The following DKK2 variants were observed in gnomAD, a reference collection of about 807,000 sequenced individuals.
DKK2 encodes dickkopf Wnt signaling pathway inhibitor 2.
DKK2 carries 11 observed loss-of-function variants against 28.1 expected under a neutral mutation model. That is an observed-to-expected ratio of 0.39 (90% CI 0.25 to 0.65). The LOEUF is 0.65. Ranked by LOEUF, DKK2 falls within the 30% of genes least tolerant of loss-of-function variation. The pLI is 0.47. For missense variants in DKK2, 326 were observed against 335.5 expected, an observed-to-expected ratio of 0.97 and a Z score of 0.22; for synonymous variants, 135 against 126.5, an observed-to-expected ratio of 1.07 and a Z score of -0.45.
intron 1 of DKK2, among the ~76,000 whole-genome samples, chr4:106,930,473 C>A (rs1724485841): frequency 6.6e-6 from 1 of 152,122 alleles, no homozygotes; most frequent in African/African-American, 2.4e-5. Context: ...ATCTCAGTAG[C>A]AAAATCATTG....
At chr4:106,955,193 T>C (rs1278325661) in intron 1 of DKK2, among the ~76,000 whole-genome samples, 2 of 152,182 alleles carry the variant, frequency 1.3e-5, no homozygotes, top group Admixed American at 6.6e-5. Flanking sequence ...TTTCTTTTAA[T>C]GTTATAATGT....
At chr4:106,963,457 A>G (rs532890864) in intron 1 of DKK2, among the ~76,000 whole-genome samples, 1 of 152,288 alleles carries the variant, frequency 6.6e-6, no homozygotes, top group Admixed American at 6.5e-5. Flanking sequence ...ATCATCAGAG[A>G]AATGCAAATC....
intron 1 of DKK2, among the ~76,000 whole-genome samples, chr4:106,930,560 G>A (rs574611472): frequency 1.3e-5 from 2 of 152,278 alleles, no homozygotes; most frequent in South Asian, 4.1e-4. Flanking sequence ...CTTATTTAAT[G>A]ATGAGAGGAA....
chr4:106,960,583 A>G (rs183749818), intron 1 of DKK2, among the ~76,000 whole-genome samples: 232 of 152,300 alleles, frequency 1.5e-3, no homozygotes, highest in Non-Finnish European at 2.7e-3. Flanking sequence ...TTAAAAGTTA[A>G]AACAAAAAAA....
At chr4:106,976,125 T>G (rs1722941548) in intron 1 of DKK2, among the ~76,000 whole-genome samples, 1 of 152,214 alleles carries the variant, frequency 6.6e-6, no homozygotes. Flanking sequence ...TGATTTCCAT[T>G]CTTTTCCATT....
At chr4:107,017,910 C>A (rs1408007339) in intron 1 of DKK2, among the ~76,000 whole-genome samples, 1 of 151,998 alleles carries the variant, frequency 6.6e-6, no homozygotes, top group Non-Finnish European at 1.5e-5. Context: ...TTGAAAAAAA[C>A]ACCCATTTCA....
chr4:106,939,917 T>C (rs1578349957), intron 1 of DKK2, among the ~76,000 whole-genome samples: 1 of 152,202 alleles, frequency 6.6e-6, no homozygotes, highest in African/African-American at 2.4e-5. Flanking sequence ...TGTAGAAAGC[T>C]GAAACTGGAT....
chr4:106,999,235 T>C (rs1045464357), intron 1 of DKK2, among the ~76,000 whole-genome samples: 2 of 152,224 alleles, frequency 1.3e-5, no homozygotes, highest in East Asian at 3.8e-4. Flanking sequence ...GCCTGGGTAA[T>C]AGTAGGTTGC....
chr4:107,001,359 C>T (rs1478148006), intron 1 of DKK2, among the ~76,000 whole-genome samples: 1 of 152,088 alleles, frequency 6.6e-6, no homozygotes, highest in Non-Finnish European at 1.5e-5. Flanking sequence ...TTTAAGCCAC[C>T]TAATTTGTGT....
In DKK2 at chr4:106,924,632, T is replaced by G. The variant is rs1482146517; in HGVS notation, c.442A>C (p.Arg148=). Residue 148 remains arginine (R), a synonymous_variant, in exon 3 of 4, where the codon AGA becomes CGA. Coordinates refer to ENST00000285311, the MANE Select transcript of DKK2 (RefSeq NM_014421.3). ...HIPALDGTRH[R]DRNHGHYSNH... is the part of the protein sequence containing the mutation. ...GAGTAATGACCGTGGTTTCGATCTCTGTGCCGAGTACCATCCAGAGCCGGG... is the reference window on the plus strand; with the variant it reads ...GAGTAATGACCGTGGTTTCGATCTCGGTGCCGAGTACCATCCAGAGCCGGG... 3.1e-6 allele frequency: 5 copies of G among 1,613,868 alleles called. No individual in the cohort carries two copies. The highest frequency in any genetic ancestry group is 4.2e-6 in the Non-Finnish European group (5 of 1,179,902).
Position 106,924,555 on chromosome 4 carries a change from T to C in DKK2, c.519A>G (p.Ser173=). The C allele has an allele frequency of 6.2e-7, 1 of 1,613,568 alleles. No homozygotes were observed. Among genetic ancestry groups the C allele is most frequent in the Non-Finnish European group, 8.5e-7 (1 of 1,179,646 alleles). Residue 173 remains serine, a synonymous_variant, in exon 3 of 4, where the codon TCA becomes TCG. Transcript: ENST00000285311. ...QNLGRPHTKM[S]HIKGHEGDPC... ...TACAGATATCCCTACCTTTTATATG[T>C]GACATCTTAGTGTGTGGTCTTCCTA...
chr4:106,982,810 G>A (rs1174696709), intron 1 of DKK2, among the ~76,000 whole-genome samples: 2 of 151,532 alleles, frequency 1.3e-5, no homozygotes, highest in African/African-American at 4.8e-5. Context: ...AGGCTAAGGT[G>A]GGAGGATTGT....
intron 1 of DKK2, among the ~76,000 whole-genome samples, chr4:107,009,409 T>C (rs1723484289): frequency 6.6e-6 from 1 of 151,858 alleles, no homozygotes; most frequent in South Asian, 2.1e-4. Flanking sequence ...CACAGCCGAG[T>C]GAGCTTGGAA....
chr4:106,937,282 C>A (rs1304163972), intron 1 of DKK2, among the ~76,000 whole-genome samples: 1 of 135,790 alleles, frequency 7.4e-6, no homozygotes, highest in African/African-American at 2.8e-5. Flanking sequence ...ATCTACCAAG[C>A]AAATGGAAAA....
At chr4:106,939,315 A>G (rs923442485) in intron 1 of DKK2, among the ~76,000 whole-genome samples, 20 of 151,942 alleles carry the variant, frequency 1.3e-4, no homozygotes, top group African/African-American at 3.9e-4. Flanking sequence ...TTATACACCA[A>G]TAACAGACAG....
chr4:106,937,514 A>G (rs1160111044), intron 1 of DKK2, among the ~76,000 whole-genome samples: 2 of 146,582 alleles, frequency 1.4e-5, no homozygotes, highest in Non-Finnish European at 3.0e-5. Context: ...ACACATTAAT[A>G]ATGGGAGACT....
At chr4:106,931,070 T>C (rs1724495806) in intron 1 of DKK2, among the ~76,000 whole-genome samples, 1 of 152,146 alleles carries the variant, frequency 6.6e-6, no homozygotes, top group Non-Finnish European at 1.5e-5. Flanking sequence ...CAGGGACTTA[T>C]ATGTCAATCT....
At chr4:106,965,255 T>C (rs1449634675) in intron 1 of DKK2, among the ~76,000 whole-genome samples, 15 of 152,174 alleles carry the variant, frequency 9.9e-5, no homozygotes, top group African/African-American at 3.6e-4. Flanking sequence ...CTTTGCCCTA[T>C]TTTGTTAATA....
At chr4:106,957,400 G>T (rs1406760690) in intron 1 of DKK2, among the ~76,000 whole-genome samples, 18 of 151,952 alleles carry the variant, frequency 1.2e-4, no homozygotes, top group Admixed American at 2.6e-4. Flanking sequence ...ATCCCATTAA[G>T]GGGTATATAC....
Sources: allele counts gnomAD v4.1 joint callset (sites outside exome capture counted in the v4.1 genomes callset), GRCh38; gene constraint gnomAD v4.1.1; transcripts MANE v1.5; gene names NCBI Gene and HGNC (gene_info 2026-07-23, HGNC 2026-07-21).